The following VGLL4 variants were observed in gnomAD, a reference collection of about 807,000 sequenced individuals.
The protein encoded by VGLL4 is transcription cofactor vestigial-like protein 4.
In VGLL4, 7 loss-of-function variants were observed where a neutral mutation model predicts 21.0. That is an observed-to-expected ratio of 0.33 (90% CI 0.19 to 0.63). The LOEUF (loss-of-function observed/expected upper bound fraction) is 0.63. VGLL4 is among the 20% of genes least tolerant of loss of function. The probability of loss-of-function intolerance (pLI) is 0.78; values close to 1 mark genes in which losing one functional copy is unlikely to be tolerated. For synonymous variants in VGLL4, 222 were observed against 173.2 expected, an observed-to-expected ratio of 1.28 and a Z score of -2.21; for missense variants, 394 against 425.7, an observed-to-expected ratio of 0.93 and a Z score of 0.66.
intron 1 of VGLL4, among the ~76,000 whole-genome samples, chr3:11,629,866 T>C (rs2075439532): frequency 6.6e-6 from 1 of 150,532 alleles, no homozygotes; most frequent in African/African-American, 2.4e-5. Context: ...AGAAGATAAA[T>C]CAAATTGGAG....
At chr3:11,561,005 A>C (rs1280677669) in intron 3 of VGLL4, among the ~76,000 whole-genome samples, 2 of 152,054 alleles carry the variant, frequency 1.3e-5, no homozygotes, top group African/African-American at 2.4e-5. Context: ...AGAGAGCAGA[A>C]TACCGAGACC....
At chr3:11,713,590 ATC>A (rs1553747940) in intron 1 of VGLL4, among the ~76,000 whole-genome samples, 1 of 139,116 alleles carries the variant, frequency 7.2e-6, no homozygotes, top group East Asian at 2.1e-4. Flanking sequence ...ATATATATAT[ATC>A]TGCATAAAAT....
chr3:11,573,887 C>T (rs753453226), intron 2 of VGLL4, among the ~76,000 whole-genome samples: 11 of 152,132 alleles, frequency 7.2e-5, no homozygotes, highest in Non-Finnish European at 1.5e-4. Flanking sequence ...GTTATGAGGG[C>T]GTGCTCTAAT....
At chr3:11,652,317 A>G (rs142229842) in intron 2 of VGLL4, among the ~76,000 whole-genome samples, 35 of 152,376 alleles carry the variant, frequency 2.3e-4, no homozygotes, top group Middle Eastern at 3.4e-3. Flanking sequence ...AAAACAAAAT[A>G]CAAAATCAAT....
intron 1 of VGLL4, among the ~76,000 whole-genome samples, chr3:11,706,652 T>C (rs1462751996): frequency 1.3e-5 from 2 of 152,244 alleles, no homozygotes; most frequent in Admixed American, 6.5e-5. Context: ...CCGGTTGCCC[T>C]GCCCCAGGCA....
chr3:11,581,063 C>CT (rs373891384), intron 2 of VGLL4, among the ~76,000 whole-genome samples: 12,930 of 104,014 alleles, frequency 0.12, 624 homozygotes, highest in Non-Finnish European at 0.14. Flanking sequence ...TCTGCAACTC[C>CT]TTTTTTTTTT....
At chr3:11,628,748 A>T (rs2075412894) in intron 1 of VGLL4, among the ~76,000 whole-genome samples, 1 of 152,232 alleles carries the variant, frequency 6.6e-6, no homozygotes, top group South Asian at 2.1e-4. Context: ...TGAACACGGG[A>T]GGCAGAGCTT....
intron 1 of VGLL4, among the ~76,000 whole-genome samples, chr3:11,642,083 C>A (rs2075701934): frequency 6.6e-6 from 1 of 150,464 alleles, no homozygotes; most frequent in Admixed American, 6.6e-5. Context: ...TCACGGGAAA[C>A]AAGCCCAGCA....
At chr3:11,648,937 G>A (rs1013403365) in intron 2 of VGLL4, among the ~76,000 whole-genome samples, 4 of 152,154 alleles carry the variant, frequency 2.6e-5, no homozygotes, top group Admixed American at 6.5e-5. Context: ...AACAGATAAC[G>A]CCTGTGTATA....
At position 11,558,526 on chromosome 3, in the gene VGLL4, A is replaced by T; in HGVS notation, c.*30T>A. The T allele has an allele frequency of 3.2e-6, 5 of 1,555,682 alleles. No homozygotes were observed. Among genetic ancestry groups the T allele is most frequent in the Non-Finnish European group, 4.3e-6 (5 of 1,153,320 alleles). On this transcript the variant is annotated 3_prime_UTR_variant, in exon 5 of 5. Coordinates refer to ENST00000430365, the MANE Select transcript of VGLL4 (RefSeq NM_001128219.3). ...TTCAAAGCTCAGGCAAACCATGCAG[A>T]TCCACGTGTTGTTGGAGGAGGCGCT...
chr3:11,561,566 T>C (rs1298399949), intron 3 of VGLL4, among the ~76,000 whole-genome samples: 1 of 152,184 alleles, frequency 6.6e-6, no homozygotes, highest in African/African-American at 2.4e-5. Context: ...GTCAGGCATC[T>C]TGCCCCTGCC....
rs943559957 is a variant in VGLL4, at chr3:11,568,982, C to G, written c.273-3963G>C. The G allele has an allele frequency of 4.4e-6, 5 of 1,131,724 alleles. No individual in the cohort carries two copies. The African/African-American group carries it at 8.1e-5, about 18-fold the overall frequency. 70.1% of individuals were successfully genotyped at this position (1,131,724 alleles called of 1,614,324 possible). A position where few individuals can be genotyped will look rare whatever the true frequency, so the allele number is the denominator to read the frequency against. On this transcript the variant is annotated intron_variant, in intron 2 of 4. Coordinates refer to ENST00000430365, the MANE Select transcript of VGLL4 (RefSeq NM_001128219.3). The surrounding 1 kb of genome is among the most constrained non-coding windows in gnomAD (Gnocchi z 5.9). ...GAAAGAGGAGGGAGGGAAAGAGAGGCCTACAACACCATCATCCAGGACAGA... is the reference window on the plus strand; with the variant it reads ...GAAAGAGGAGGGAGGGAAAGAGAGGGCTACAACACCATCATCCAGGACAGA...
chr3:11,685,927 G>A (rs984795923), intron 2 of VGLL4, among the ~76,000 whole-genome samples: 8 of 152,060 alleles, frequency 5.3e-5, no homozygotes, highest in South Asian at 4.1e-4. Context: ...ATAGCCAACC[G>A]GCACATGCAA....
At chr3:11,567,851 CATG>C (rs534970788) in intron 2 of VGLL4, among the ~76,000 whole-genome samples, 131 of 152,330 alleles carry the variant, frequency 8.6e-4, no homozygotes, top group African/African-American at 3.0e-3. Context: ...TTGTTAACAA[CATG>C]AGTGAATGGC....
chr3:11,676,409 AATAAAAT>A (rs2076292437), intron 2 of VGLL4, among the ~76,000 whole-genome samples: 2 of 30,114 alleles, frequency 6.6e-5, no homozygotes, highest in African/African-American at 1.7e-4. Context: ...AAAAAAAAAA[AATAAAAT>A]AATAATAATA....
At chr3:11,713,017 A>T (rs1053903128) in intron 1 of VGLL4, among the ~76,000 whole-genome samples, 1 of 152,164 alleles carries the variant, frequency 6.6e-6, no homozygotes, top group South Asian at 2.1e-4. Flanking sequence ...GCAACAAACT[A>T]CCAAGACATA....
At chr3:11,581,286 C>G (rs1050428908) in intron 2 of VGLL4, among the ~76,000 whole-genome samples, 23 of 152,142 alleles carry the variant, frequency 1.5e-4, no homozygotes, top group African/African-American at 5.1e-4. Context: ...AGGCTGGCCT[C>G]AAACTCCTGA....
chr3:11,713,568 T>TTATATA (rs10690353), intron 1 of VGLL4, among the ~76,000 whole-genome samples: 8,600 of 140,126 alleles, frequency 0.061, 403 homozygotes, highest in Admixed American at 0.13. Context: ...TATATATTAT[T>TTATATA]TATATATATA....
chr3:11,663,276 C>T (rs12494719), intron 2 of VGLL4, among the ~76,000 whole-genome samples: 2 of 152,106 alleles, frequency 1.3e-5, no homozygotes, highest in Middle Eastern at 3.4e-3. Flanking sequence ...TTAGCAGGGC[C>T]GGGGAAGTGG....
Sources: gnomAD v4.1 joint callset for allele counts (sites outside exome capture counted in the v4.1 genomes callset) on GRCh38, gnomAD v4.1.1 for gene constraint, Gnocchi (gnomAD v3.1) non-coding constraint, MANE v1.5 for transcripts, NCBI Gene and HGNC (gene_info 2026-07-23, HGNC 2026-07-21) for gene names.